Variants in PTPRT observed in about 807,000 individuals in gnomAD.
PTPRT encodes the protein protein tyrosine phosphatase receptor type T.
PTPRT carries 56 observed loss-of-function variants against 176.8 expected under a neutral mutation model. That is an observed-to-expected ratio of 0.32 (90% CI 0.26 to 0.40). The LOEUF (loss-of-function observed/expected upper bound fraction) is 0.40. Among genes scored for constraint, PTPRT ranks in the 10% least tolerant of loss-of-function variants. The probability of loss-of-function intolerance (pLI) is 1.00; values close to 1 mark genes in which losing one functional copy is unlikely to be tolerated. For missense variants in PTPRT, 1,540 were observed against 1,908.2 expected (o/e 0.81, Z 3.60); for synonymous variants, 783 against 739.0 (o/e 1.06, Z -0.96).
rs1419520476 is a variant in PTPRT at position 42,619,276 on chromosome 20, T to C, written c.1153+58590A>G. On this transcript the variant is annotated intron_variant, in intron 7 of 30. Transcript: ENST00000373187. The stretch of plus-strand genomic sequence containing the variant: ...GAATGTTGAATATTGGCCCCCACTC[T>C]CTTCTGGCTTGTAGGGTTTCTGCTG... Among the ~76,000 whole-genome samples the C allele has an allele frequency of 1.4e-4, 19 of 138,316 alleles. No individual in the cohort carries two copies. In the East Asian group the frequency reaches 3.8e-3, roughly 28 times the overall value. The allele number at this position is 138,316 out of a possible 152,430, so 90.7% of individuals were successfully genotyped here.
chr20:42,197,613 T>C (rs543969325), intron 16 of PTPRT, among the ~76,000 whole-genome samples: 3 of 152,038 alleles, frequency 2.0e-5, no homozygotes, highest in Admixed American at 6.5e-5. Context: ...TATACTTTAT[T>C]GTGGTTATGT....
chr20:42,816,571 C>T (rs1417228635), intron 2 of PTPRT, among the ~76,000 whole-genome samples: 1 of 152,100 alleles, frequency 6.6e-6, no homozygotes, highest in African/African-American at 2.4e-5. Context: ...GGGAGGTTTC[C>T]CCCATGCTGT....
chr20:42,914,708 C>T (rs549203556), intron 1 of PTPRT, among the ~76,000 whole-genome samples: 2 of 152,076 alleles, frequency 1.3e-5, no homozygotes, highest in Non-Finnish European at 2.9e-5. Flanking sequence ...AACAAAGGAA[C>T]AGCATGGGAG....
rs375402843 is a variant in PTPRT at position 42,098,498 on chromosome 20, C to T, written c.3769G>A (p.Val1257Met). The change falls in exon 27 of 31, where the codon GTG (valine) becomes ATG (methionine). Residue 1257 changes from valine (V) to methionine (M), a missense_variant. By Grantham distance (21) the Val-to-Met change is conservative. Transcript: ENST00000373187. ...VVTQHPLPNT[V>M]ADFWRLVFDY... is the part of the protein sequence containing the mutation. The stretch of plus-strand genomic sequence containing the variant: ...AACACCAGCCTCCAGAAGTCTGCCA[C>T]GGTGTTGGGTAGAGGGTGCTGGGTG... 2.3e-5 allele frequency: 37 copies of T among 1,614,194 alleles called. No homozygotes were observed. The highest frequency in any genetic ancestry group is 3.3e-4 in the Middle Eastern group (2 of 6,062).
rs555838026 is a variant in PTPRT at position 43,096,846 on chromosome 20, G to T, written c.88+92800C>A. ...GGGTGGCAGGCTGCCAGCTGAGGAG[G>T]TTGGAGGCCCCAGGCTCCCCTTCCA... On this transcript the variant is annotated intron_variant, in intron 1 of 30. Transcript: ENST00000373187. 3.9e-5 allele frequency among the ~76,000 whole-genome samples: 6 copies of T among 152,300 alleles called. No homozygotes were observed. The East Asian group carries it at 1.2e-3, about 29-fold the overall frequency.
At chr20:43,067,966 G>A (rs2011127929) in intron 1 of PTPRT, among the ~76,000 whole-genome samples, 1 of 24,280 alleles carries the variant, frequency 4.1e-5, no homozygotes, top group Non-Finnish European at 7.7e-5. Flanking sequence ...GGAGGGGAAG[G>A]GAGAGGAAGG....
chr20:43,067,431 T>C (rs1045975742), intron 1 of PTPRT, among the ~76,000 whole-genome samples: 1 of 152,188 alleles, frequency 6.6e-6, no homozygotes, highest in African/African-American at 2.4e-5. Context: ...ATGCACCAAA[T>C]GCCACTAAAT....
intron 16 of PTPRT, among the ~76,000 whole-genome samples, chr20:42,167,219 T>C (rs1447801258): frequency 6.6e-6 from 1 of 152,184 alleles, no homozygotes; most frequent in African/African-American, 2.4e-5. Flanking sequence ...ATTGGACATA[T>C]GAGAATCCAC....
intron 1 of PTPRT, among the ~76,000 whole-genome samples, chr20:43,022,037 A>C (rs1233110250): frequency 6.6e-6 from 1 of 152,192 alleles, no homozygotes; most frequent in Non-Finnish European, 1.5e-5. Flanking sequence ...AGCCCCACCC[A>C]CAGCTTTCTC....
At chr20:42,513,014 C>T (rs1384350911) in intron 7 of PTPRT, among the ~76,000 whole-genome samples, 1 of 152,092 alleles carries the variant, frequency 6.6e-6, no homozygotes, top group African/African-American at 2.4e-5. Flanking sequence ...CATCCACCAC[C>T]ACACCCAGCT....
the PTPRT span, among the ~76,000 whole-genome samples, chr20:42,041,714 AC>A: frequency 1.3e-5 from 2 of 152,172 alleles, no homozygotes; most frequent in South Asian, 2.1e-4. Context: ...GCAATAATAT[AC>A]CTACTTTATA....
Position 42,972,619 on chromosome 20 carries a change from C to T in PTPRT, c.89-86687G>A, listed in dbSNP as rs569947097. On this transcript the variant is annotated intron_variant, in intron 1 of 30. Transcript: ENST00000373187. ...CGGAGGTTGCAGTGAGTTGAGATCA[C>T]GGATCGTGTCCCTGCACTCCAGCCT... Among the ~76,000 whole-genome samples the T allele has an allele frequency of 5.3e-5, 7 of 131,990 alleles. No homozygotes were observed. In the South Asian group the frequency reaches 7.5e-4, roughly 14 times the overall value. The allele number at this position is 131,990 out of a possible 152,430, so 86.6% of individuals were successfully genotyped here. A position where few individuals can be genotyped will look rare whatever the true frequency, so the allele number is the denominator to read the frequency against.
chr20:42,354,507 A>C (rs2058331454), intron 9 of PTPRT, among the ~76,000 whole-genome samples: 1 of 152,192 alleles, frequency 6.6e-6, no homozygotes, highest in Admixed American at 6.5e-5. Flanking sequence ...ACAGTGCATC[A>C]GTTGAAAAAT....
intron 5 of PTPRT, among the ~76,000 whole-genome samples, chr20:42,769,114 AG>A (rs1467207604): frequency 6.6e-6 from 1 of 152,212 alleles, no homozygotes; most frequent in Non-Finnish European, 1.5e-5. Context: ...GGTGACGTGG[AG>A]GTTTCTTATG....
chr20:42,753,041 G>A (rs1307257676), intron 6 of PTPRT, among the ~76,000 whole-genome samples: 2 of 152,204 alleles, frequency 1.3e-5, no homozygotes, highest in Non-Finnish European at 2.9e-5. Context: ...TTAGCTGACA[G>A]TCAGGAAGGG....
At chr20:42,785,952 A>G (rs1212010099) in intron 3 of PTPRT, among the ~76,000 whole-genome samples, 2 of 152,150 alleles carry the variant, frequency 1.3e-5, no homozygotes, top group South Asian at 4.2e-4. Flanking sequence ...TAATCCCTAC[A>G]TGTTGAGAGA....
At chr20:42,931,730 G>A (rs1323058435) in intron 1 of PTPRT, among the ~76,000 whole-genome samples, 2 of 152,172 alleles carry the variant, frequency 1.3e-5, no homozygotes, top group Non-Finnish European at 2.9e-5. Flanking sequence ...AGGACACAGC[G>A]TAGGCGCTCA....
intron 16 of PTPRT, among the ~76,000 whole-genome samples, chr20:42,164,208 G>C (rs1989729818): frequency 6.6e-6 from 1 of 152,196 alleles, no homozygotes; most frequent in South Asian, 2.1e-4. Context: ...AGGAACTTGG[G>C]GCATGGGCTG....
At chr20:42,642,126 G>C (rs1179445704) in intron 7 of PTPRT, among the ~76,000 whole-genome samples, 1 of 152,188 alleles carries the variant, frequency 6.6e-6, no homozygotes, top group Admixed American at 6.5e-5. Flanking sequence ...AGACAAGTGA[G>C]TGCCAAATGG....
Sources: gnomAD v4.1 joint callset for allele counts (sites outside exome capture counted in the v4.1 genomes callset) on GRCh38, gnomAD v4.1.1 for gene constraint, MANE v1.5 for transcripts, NCBI Gene and HGNC (gene_info 2026-07-23, HGNC 2026-07-21) for gene names.